Variants in ESRRB observed in about 807,000 individuals in gnomAD.
ESRRB encodes the protein estrogen related receptor beta.
In ESRRB, 16 loss-of-function variants were observed where a neutral mutation model predicts 46.0. The observed-to-expected ratio is 0.35, with a 90% confidence interval of 0.24 to 0.53. The LOEUF (loss-of-function observed/expected upper bound fraction) is 0.53, where lower values mean the gene tolerates loss of function less well. Ranked by LOEUF, ESRRB falls within the 20% of genes least tolerant of loss-of-function variation. The probability of loss-of-function intolerance (pLI) is 0.93; values close to 1 mark genes in which losing one functional copy is unlikely to be tolerated. For missense variants in ESRRB, 488 were observed against 607.4 expected, an observed-to-expected ratio of 0.80 and a Z score of 2.07; for synonymous variants, 246 against 259.6, an observed-to-expected ratio of 0.95 and a Z score of 0.50.
At chr14:76,395,098 T>C (rs1885620281) in intron 1 of ESRRB, among the ~76,000 whole-genome samples, 1 of 151,394 alleles carries the variant, frequency 6.6e-6, no homozygotes, top group South Asian at 2.1e-4. Flanking sequence ...GAGCTCTCCG[T>C]TTCCGACAGT....
rs916237715 is a variant in ESRRB, at chr14:76,439,201, A to G, written c.51-140A>G. On this transcript the variant is annotated intron_variant, in intron 1 of 6. Coordinates refer to ENST00000644823, the MANE Select transcript of ESRRB (RefSeq NM_001379180.1). ...CTCCCGGCTGCGCCGAGGGGAGACC[A>G]GCTGACCTTCTCCACCGTTGTTTTA... 1.2e-5 allele frequency: 12 copies of G among 976,294 alleles called. No homozygotes were observed. The African/African-American group carries it at 1.4e-4, about 12-fold the overall frequency. 60.5% of individuals were successfully genotyped at this position (976,294 alleles called of 1,614,324 possible).
At chr14:76,449,916 C>T (rs771253636) in intron 2 of ESRRB, among the ~76,000 whole-genome samples, 59 of 151,958 alleles carry the variant, frequency 3.9e-4, no homozygotes, top group Non-Finnish European at 6.3e-4. Context: ...CCACCATGCC[C>T]GGCTAATTTA....
chr14:76,352,568 G>A (rs547975720), intron 1 of ESRRB, among the ~76,000 whole-genome samples: 2 of 152,330 alleles, frequency 1.3e-5, no homozygotes, highest in East Asian at 3.9e-4. Flanking sequence ...GCCAGACCCT[G>A]GGCCTTCAAA....
chr14:76,467,089 T>G (rs1353022130), intron 3 of ESRRB, among the ~76,000 whole-genome samples: 1 of 152,182 alleles, frequency 6.6e-6, no homozygotes, highest in Non-Finnish European at 1.5e-5. Context: ...TGTTGATACC[T>G]GCTTTCCTTC....
intron 2 of ESRRB, among the ~76,000 whole-genome samples, chr14:76,441,893 C>G (rs1054693440): frequency 8.5e-5 from 13 of 152,228 alleles, no homozygotes; most frequent in African/African-American, 3.1e-4. Flanking sequence ...CCAGAATGTA[C>G]CTACCCCATT....
rs73314691 is a variant in ESRRB at position 76,326,526 on chromosome 14, G to T, written c.2+15610G>T. On this transcript the variant is annotated intron_variant, in intron 1 of 6. Coordinates refer to the ESRRB transcript ENST00000512784. Reference sequence around the variant, plus strand: ...AAGGACTAAAGTAGATGAGCCATACGGAAGCACCAGCTCCTCTGGTAGCTA... The same window carrying T: ...AAGGACTAAAGTAGATGAGCCATACTGAAGCACCAGCTCCTCTGGTAGCTA... Among the ~76,000 whole-genome samples, 1,152 of 152,326 alleles carry T rather than the reference G, an allele frequency of 7.6e-3. 8 individuals are homozygous for T. Among genetic ancestry groups the T allele is most frequent in the Non-Finnish European group, 0.011 (756 of 68,028 alleles).
chr14:76,354,870 C>T (rs559582235), intron 1 of ESRRB, among the ~76,000 whole-genome samples: 25 of 152,004 alleles, frequency 1.6e-4, no homozygotes, highest in Non-Finnish European at 2.4e-4. Flanking sequence ...CCACCACGCC[C>T]GGCTAATTTT....
intron 1 of ESRRB, among the ~76,000 whole-genome samples, chr14:76,312,018 G>A (rs531554920): frequency 3.2e-5 from 4 of 123,500 alleles, no homozygotes; most frequent in Admixed American, 9.0e-5. Context: ...TTATACTTAA[G>A]TACAACTTTT....
chr14:76,375,461 A>T (rs547257799), upstream of ESRRB, among the ~76,000 whole-genome samples: 15 of 152,270 alleles, frequency 9.9e-5, no homozygotes, highest in South Asian at 3.1e-3. Flanking sequence ...TTATTTGCTC[A>T]TGTCTGTGTC....
intron 1 of ESRRB, among the ~76,000 whole-genome samples, chr14:76,325,626 A>G (rs1856989120): frequency 6.6e-6 from 1 of 152,154 alleles, no homozygotes; most frequent in South Asian, 2.1e-4. Context: ...GGTACCTCTG[A>G]ACAGGTAGCT....
At position 76,500,135 on chromosome 14, in the gene ESRRB, G is replaced by A. The variant is rs1410111551; in HGVS notation, c.*1677G>A. On this transcript the variant is annotated 3_prime_UTR_variant, in exon 7 of 7. Transcript: ENST00000644823. The stretch of plus-strand genomic sequence containing the variant: ...CTTGGCTCTACCCCAGGAACCTCCC[G>A]GCCTGGGCTTCTGGGCTGGGACGTG... 3.2e-5 allele frequency: 44 copies of A among 1,366,246 alleles called. No homozygotes were observed. The highest frequency in any genetic ancestry group is 7.5e-5 in the East Asian group (3 of 39,964). 84.6% of individuals were successfully genotyped at this position (1,366,246 alleles called of 1,614,324 possible).
In ESRRB at chr14:76,376,428, G is replaced by T. The variant is rs1354600759; in HGVS notation, c.27G>T (p.Pro9=). MDVSELCI[P]DPLGYHNQLL... ...TGGACGTGTCCGAACTCTGCATCCC[G>T]GACCCCCTCGGCTACCACAACCAGT... The change falls in exon 1 of 7, where the codon CCG becomes CCT. Residue 9 remains proline, a synonymous_variant. Transcript: ENST00000644823. The surrounding 1 kb of genome is among the most constrained non-coding windows in gnomAD (Gnocchi z 4.1). 8.1e-7 allele frequency: 1 copy of T among 1,231,534 alleles called. No individual in the cohort carries two copies. The highest frequency in any genetic ancestry group is 1.0e-6 in the Non-Finnish European group (1 of 987,976). 76.3% of individuals were successfully genotyped at this position (1,231,534 alleles called of 1,614,324 possible).
At chr14:76,420,602 T>TGAGA (rs138566813) in intron 1 of ESRRB, among the ~76,000 whole-genome samples, 3 of 147,694 alleles carry the variant, frequency 2.0e-5, no homozygotes, top group Admixed American at 6.8e-5. Context: ...TGTTTGTGTA[T>TGAGA]GAGAGAGAGA....
At chr14:76,331,177 A>G (rs1884009184) in intron 1 of ESRRB, among the ~76,000 whole-genome samples, 1 of 152,160 alleles carries the variant, frequency 6.6e-6, no homozygotes, top group Non-Finnish European at 1.5e-5. Flanking sequence ...TGCTGTGGAC[A>G]TTAGAAATGA....
chr14:76,311,816 C>T (rs1213971215), intron 1 of ESRRB, among the ~76,000 whole-genome samples: 1 of 152,180 alleles, frequency 6.6e-6, no homozygotes, highest in East Asian at 1.9e-4. Context: ...GGGGCCTTCC[C>T]GGCCACAGTC....
At chr14:76,410,748 GTT>G (rs1566882763) in intron 1 of ESRRB, among the ~76,000 whole-genome samples, 5 of 151,962 alleles carry the variant, frequency 3.3e-5, no homozygotes. Context: ...AAATATTTGA[GTT>G]TTTACTTCTC....
chr14:76,484,911 A>G (rs2140036580), intron 5 of ESRRB, among the ~76,000 whole-genome samples: 1 of 152,310 alleles, frequency 6.6e-6, no homozygotes, highest in South Asian at 2.1e-4. Flanking sequence ...TGCTGTGAGG[A>G]TGTAGCGCGC....
intron 1 of ESRRB, among the ~76,000 whole-genome samples, chr14:76,428,677 C>T: frequency 6.6e-6 from 1 of 152,170 alleles, no homozygotes; most frequent in Non-Finnish European, 1.5e-5. Context: ...CTGGGATCTC[C>T]CAGCTGTCCC....
At chr14:76,433,124 T>C (rs61342718) in intron 1 of ESRRB, among the ~76,000 whole-genome samples, 12,969 of 152,158 alleles carry the variant, frequency 0.085, 877 homozygotes, top group East Asian at 0.19. Context: ...CCTGTAGATT[T>C]CTTGGGCCCT....
Sources: gnomAD v4.1 joint callset for allele counts (sites outside exome capture counted in the v4.1 genomes callset) on GRCh38, gnomAD v4.1.1 for gene constraint, Gnocchi (gnomAD v3.1) non-coding constraint, MANE v1.5 for transcripts, NCBI Gene and HGNC (gene_info 2026-07-23, HGNC 2026-07-21) for gene names.